Variants in UBOX5 observed in about 807,000 individuals in gnomAD.
The protein encoded by UBOX5 is RING finger protein 37.
A neutral mutation model predicts 39.0 loss-of-function variants in UBOX5; 28 were observed. The ratio of observed to expected loss-of-function variants is 0.72; its 90% CI spans 0.53 to 0.98. The LOEUF is 0.98. UBOX5 is among the 50% of genes least tolerant of loss of function. The pLI, the probability that UBOX5 is intolerant of heterozygous loss-of-function variation, is 0.00. For synonymous variants in UBOX5, 283 were observed against 275.5 expected, an observed-to-expected ratio of 1.03 and a Z score of -0.27; for missense variants, 585 against 674.4, an observed-to-expected ratio of 0.87 and a Z score of 1.47.
chr20:3,123,527 C>T (rs928666373), intron 1 of UBOX5, 121 bp from the exon 2 acceptor site: 11 of 650,078 alleles, frequency 1.7e-5, no homozygotes, highest in South Asian at 1.1e-4. Flanking sequence ...CACACTCTCA[C>T]GGTCCACACT....
chr20:3,121,115 C>A (rs1273688975), intron 3 of UBOX5, among the ~76,000 whole-genome samples: 4 of 152,164 alleles, frequency 2.6e-5, no homozygotes, highest in African/African-American at 9.7e-5. Context: ...GCCCATGGGA[C>A]CATCACCAAC....
In UBOX5 at chr20:3,122,449, A is replaced by G. The variant is rs2066346072; in HGVS notation, c.190T>C (p.Cys64Arg). The G allele has an allele frequency of 6.2e-7, 1 of 1,614,092 alleles. No individual in the cohort carries two copies. The highest frequency in any genetic ancestry group is 8.5e-7 in the Non-Finnish European group (1 of 1,180,038). ...GCTGTGAGGTCTATGTTGATCCTACAGATTTCCACATTAAAGGGAAATGAA... is the reference window on the plus strand; with the variant it reads ...GCTGTGAGGTCTATGTTGATCCTACGGATTTCCACATTAAAGGGAAATGAA... The part of the protein sequence containing the change: ...TVSFPFNVEI[C>R]RINIDLTAGG... Residue 64 changes from cysteine to arginine, a missense_variant, in exon 3 of 5, where the codon TGT (cysteine) becomes CGT (arginine). Physicochemically the swap from Cys to Arg is radical, Grantham distance 180. Coordinates refer to ENST00000217173, the MANE Select transcript of UBOX5 (RefSeq NM_014948.4).
intron 1 of UBOX5, among the ~76,000 whole-genome samples, chr20:3,145,004 T>TA (rs1350917401): frequency 1.3e-5 from 2 of 152,184 alleles, no homozygotes; most frequent in Non-Finnish European, 2.9e-5. Flanking sequence ...AGAAAAATAT[T>TA]AAGTTCACCA....
At chr20:3,158,794 CAGGTA>C (rs1299027180) in intron 1 of UBOX5, among the ~76,000 whole-genome samples, 2 of 152,186 alleles carry the variant, frequency 1.3e-5, no homozygotes, top group Non-Finnish European at 2.9e-5. Context: ...TTTAGTCTAC[CAGGTA>C]GTAGCAAACT....
chr20:3,156,891 T>G (rs994332555), intron 1 of UBOX5: 1 of 152,168 alleles, frequency 6.6e-6, no homozygotes, highest in Admixed American at 6.5e-5. Flanking sequence ...CCCAATAAAA[T>G]TGCCACAAAT....
intron 1 of UBOX5, chr20:3,150,838 C>CA (rs1236508011): frequency 1.3e-5 from 2 of 152,342 alleles, no homozygotes; most frequent in East Asian, 3.9e-4. Flanking sequence ...AGAATTCTCT[C>CA]ACATTAAATT....
chr20:3,139,313 C>G (rs1044625577), intron 1 of UBOX5, among the ~76,000 whole-genome samples: 1 of 152,278 alleles, frequency 6.6e-6, no homozygotes, highest in East Asian at 1.9e-4. Context: ...CACGTGGAGC[C>G]AAGTCACCCT....
chr20:3,127,266 T>C (rs951431058), intron 1 of UBOX5, among the ~76,000 whole-genome samples: 1 of 152,072 alleles, frequency 6.6e-6, no homozygotes, highest in African/African-American at 2.4e-5. Flanking sequence ...CCGACAGGGA[T>C]AGGGTCACCC....
intron 1 of UBOX5, among the ~76,000 whole-genome samples, chr20:3,125,557 T>A (rs1366051102): frequency 1.6e-5 from 2 of 127,448 alleles, no homozygotes; most frequent in Non-Finnish European, 3.2e-5. Flanking sequence ...GAGGAGCACC[T>A]CTGCCCGGCC....
At chr20:3,135,731 CA>C (rs138701765) in intron 1 of UBOX5, among the ~76,000 whole-genome samples, 3,631 of 151,844 alleles carry the variant, frequency 0.024, 115 homozygotes, top group African/African-American at 0.077. Context: ...CAAACACACG[CA>C]ATTATTCATT....
Position 3,109,570 on chromosome 20 carries a change from G to A in UBOX5, c.*536C>T. On this transcript the variant is annotated 3_prime_UTR_variant, in exon 5 of 5. Transcript: ENST00000217173. The stretch of plus-strand genomic sequence containing the variant: ...GTGGGTGCAGGTGGGCGACAGGAGT[G>A]TGTGACACAGACAGGCACTCCACCA... The A allele has an allele frequency of 9.6e-5, 16 of 167,112 alleles. No individual in the cohort carries two copies. Among genetic ancestry groups the A allele is most frequent in the South Asian group, 8.0e-4 (5 of 6,242 alleles). The allele number at this position is 167,112 out of a possible 1,614,324, so 10.4% of individuals were successfully genotyped here.
chr20:3,122,272 G>A lies in UBOX5; in HGVS notation c.367C>T (p.Leu123=). The A allele has an allele frequency of 2.5e-6, 4 of 1,614,234 alleles. No homozygotes were observed. The highest frequency in any genetic ancestry group is 3.4e-6 in the Non-Finnish European group (4 of 1,180,042). Residue 123 remains leucine, a synonymous_variant, in exon 3 of 5, where the codon CTG becomes TTG. Transcript: ENST00000217173. ...AACACCACTTGGCTCTGGTTTTTCA[G>A]TAAGACTTTGCCTACCAAGGTGAAC... ...EAFTLVGKVL[L]KNQSQVVFSH...
At chr20:3,134,557 G>GAAA (rs34926292) in intron 1 of UBOX5, among the ~76,000 whole-genome samples, 2 of 81,988 alleles carry the variant, frequency 2.4e-5, no homozygotes, top group African/African-American at 5.1e-5. Context: ...GACCCCATCT[G>GAAA]AAAAAAAAAA....
chr20:3,144,826 T>G (rs1211263785), intron 1 of UBOX5, among the ~76,000 whole-genome samples: 1 of 152,238 alleles, frequency 6.6e-6, no homozygotes, highest in East Asian at 1.9e-4. Context: ...CCTTCTCATC[T>G]GAGCTACTTG....
chr20:3,130,011 C>T (rs2066417311), intron 1 of UBOX5, among the ~76,000 whole-genome samples: 1 of 152,170 alleles, frequency 6.6e-6, no homozygotes, highest in African/African-American at 2.4e-5. Context: ...AGGAGGATTG[C>T]TTGAGGCCAG....
At position 3,111,691 on chromosome 20, in the gene UBOX5, G is replaced by A. The variant is rs117875942; in HGVS notation, c.1418-1377C>T. On this transcript the variant is annotated intron_variant, in intron 4 of 4. Coordinates refer to ENST00000217173, the MANE Select transcript of UBOX5 (RefSeq NM_014948.4). ...GCTTAGACCACACCCATTCCATGACGCCACCCCGGATTGCCCCTTTCCTGT... is the reference window on the plus strand; with the variant it reads ...GCTTAGACCACACCCATTCCATGACACCACCCCGGATTGCCCCTTTCCTGT... 5.7e-3 allele frequency: 869 copies of A among 152,456 alleles called. 5 individuals are homozygous for A. The highest frequency in any genetic ancestry group is 9.0e-3 in the Non-Finnish European group (615 of 68,206). 9.4% of individuals were successfully genotyped at this position (152,456 alleles called of 1,614,324 possible). A position where few individuals can be genotyped will look rare whatever the true frequency, so the allele number is the denominator to read the frequency against.
At chr20:3,151,834 G>A (rs1267158139) in intron 1 of UBOX5, 1 of 151,958 alleles carries the variant, frequency 6.6e-6, no homozygotes, top group East Asian at 1.9e-4. Context: ...GCCAGGCGTG[G>A]TGGCTCATGC....
rs150627389 is a variant in UBOX5, at chr20:3,135,489, AGCCGGATGAGGAAG to A, written c.-41-12097_-41-12084del. Among the ~76,000 whole-genome samples the A allele has an allele frequency of 3.9e-3, 589 of 152,280 alleles. 1 individual carries two copies. Among genetic ancestry groups the A allele is most frequent in the African/African-American group, 0.013 (556 of 41,538 alleles). ...GAGCCACAGCTGGGAAGGCAAACGGAGCCGGATGAGGAAGGCCTTGAACGTCATGCCAAAAAGTT... is the reference window on the plus strand; with the variant it reads ...GAGCCACAGCTGGGAAGGCAAACGGAGCCTTGAACGTCATGCCAAAAAGTT... On this transcript the variant is annotated intron_variant, in intron 1 of 4. Transcript: ENST00000217173.
intron 1 of UBOX5, among the ~76,000 whole-genome samples, chr20:3,136,634 C>T (rs1444330161): frequency 1.3e-5 from 2 of 151,872 alleles, no homozygotes; most frequent in Non-Finnish European, 2.9e-5. Context: ...GGATTACAGG[C>T]GTGAGCCACT....
Sources: gnomAD v4.1 joint callset for allele counts (sites outside exome capture counted in the v4.1 genomes callset) on GRCh38, gnomAD v4.1.1 for gene constraint, MANE v1.5 for transcripts, NCBI Gene and HGNC (gene_info 2026-07-23, HGNC 2026-07-21) for gene names.